SEPTIN14: variants seen among roughly 807,000 people sequenced by gnomAD.
SEPTIN14 encodes septin 14.
A neutral mutation model predicts 53.6 loss-of-function variants in SEPTIN14; 40 were observed. That is an observed-to-expected ratio of 0.75 (90% CI 0.58 to 0.97). SEPTIN14 has a LOEUF of 0.97. SEPTIN14 is among the 50% of genes least tolerant of loss of function. The pLI is 0.00. For missense variants in SEPTIN14, 471 were observed against 508.2 expected, an observed-to-expected ratio of 0.93 and a Z score of 0.70; for synonymous variants, 138 against 166.8, an observed-to-expected ratio of 0.83 and a Z score of 1.33.
rs78233970 is a variant in SEPTIN14 at position 55,807,033 on chromosome 7, T to G, written c.986+57A>C. On this transcript the variant is annotated intron_variant, in intron 8 of 9. Coordinates refer to ENST00000388975, the MANE Select transcript of SEPTIN14 (RefSeq NM_207366.3). Reference sequence around the variant, plus strand: ...CTCATATCCAAATTATCATACCTTGTGTTTGTAGGGACTCCTAAATTATCC... The same window carrying G: ...CTCATATCCAAATTATCATACCTTGGGTTTGTAGGGACTCCTAAATTATCC... 6.7e-3 allele frequency: 8,284 copies of G among 1,232,762 alleles called. 164 individuals are homozygous for G. Among genetic ancestry groups the G allele is most frequent in the South Asian group, 0.035 (2,191 of 62,646 alleles). 76.4% of individuals were successfully genotyped at this position (1,232,762 alleles called of 1,614,324 possible).
At chr7:55,846,836 TATAA>T (rs1436073710) in intron 2 of SEPTIN14, among the ~76,000 whole-genome samples, 199 bp from the exon 3 acceptor site, 1 of 152,164 alleles carries the variant, frequency 6.6e-6, no homozygotes, top group African/African-American at 2.4e-5. Flanking sequence ...CTATTATTTT[TATAA>T]ATAAAGTGAA....
intron 2 of SEPTIN14, among the ~76,000 whole-genome samples, chr7:55,848,866 C>T (rs993074160): frequency 3.9e-5 from 6 of 151,938 alleles, no homozygotes; most frequent in Non-Finnish European, 8.8e-5. Context: ...CTCGGCCTCC[C>T]AAAGTGCTGG....
chr7:55,833,429 A>G (rs1789146545), intron 6 of SEPTIN14, among the ~76,000 whole-genome samples: 1 of 151,890 alleles, frequency 6.6e-6, no homozygotes, highest in Non-Finnish European at 1.5e-5. Flanking sequence ...TGAAATAGAG[A>G]ATAAAAAAAA....
At chr7:55,845,775 T>C (rs1004306231) in intron 3 of SEPTIN14, among the ~76,000 whole-genome samples, 14 of 151,806 alleles carry the variant, frequency 9.2e-5, no homozygotes, top group African/African-American at 2.9e-4. Context: ...CTAGGCCGGG[T>C]GCGGTGGCTC....
intron 5 of SEPTIN14, 137 bp from the exon 6 acceptor site, chr7:55,834,723 A>G (rs936204158): frequency 1.4e-5 from 8 of 584,476 alleles, no homozygotes; most frequent in Non-Finnish European, 2.3e-5. Context: ...GCTCACTGCA[A>G]GCTCCGCCTC....
At chr7:55,839,396 A>T (rs1258003191) in intron 5 of SEPTIN14, among the ~76,000 whole-genome samples, 3 of 151,880 alleles carry the variant, frequency 2.0e-5, no homozygotes, top group Admixed American at 2.0e-4. Flanking sequence ...TCTCAGAAAA[A>T]AAAAAAAAAA....
At chr7:55,836,692 T>G (rs2116037049) in intron 5 of SEPTIN14, among the ~76,000 whole-genome samples, 1 of 152,210 alleles carries the variant, frequency 6.6e-6, no homozygotes, top group African/African-American at 2.4e-5. Flanking sequence ...GAGCCGAGAT[T>G]GCGCCATTGC....
At chr7:55,824,095 G>A (rs553017959) in intron 6 of SEPTIN14, among the ~76,000 whole-genome samples, 3 of 152,172 alleles carry the variant, frequency 2.0e-5, no homozygotes, top group Non-Finnish European at 2.9e-5. Context: ...TGACTTCATC[G>A]ATATAACACT....
intron 7 of SEPTIN14, among the ~76,000 whole-genome samples, chr7:55,812,683 G>C (rs1788722520): frequency 6.6e-6 from 1 of 152,086 alleles, no homozygotes; most frequent in South Asian, 2.1e-4. Context: ...ACCTTCATAA[G>C]GATGAAAAAT....
At chr7:55,825,685 G>C (rs187437567) in intron 6 of SEPTIN14, among the ~76,000 whole-genome samples, 17 of 152,240 alleles carry the variant, frequency 1.1e-4, no homozygotes, top group South Asian at 2.1e-4. Context: ...AGAAGGATGG[G>C]GCCGGGCGTG....
At chr7:55,832,559 A>C (rs1004106704) in intron 6 of SEPTIN14, among the ~76,000 whole-genome samples, 1 of 135,228 alleles carries the variant, frequency 7.4e-6, no homozygotes, top group Non-Finnish European at 1.5e-5. Flanking sequence ...ACACCATGGA[A>C]TACTATGCAG....
chr7:55,806,281 G>C (rs1285138670), intron 8 of SEPTIN14, among the ~76,000 whole-genome samples: 1 of 149,630 alleles, frequency 6.7e-6, no homozygotes, highest in Non-Finnish European at 1.5e-5. Context: ...GATTACAGGC[G>C]GGAGCCACTG....
intron 9 of SEPTIN14, among the ~76,000 whole-genome samples, chr7:55,800,469 C>G (rs1455989050): frequency 2.6e-5 from 4 of 151,954 alleles, no homozygotes; most frequent in Admixed American, 6.6e-5. Flanking sequence ...ACTAAAAATA[C>G]AAAAATTAGC....
At chr7:55,853,378 C>A (rs1423421252) in intron 2 of SEPTIN14, among the ~76,000 whole-genome samples, 1 of 152,156 alleles carries the variant, frequency 6.6e-6, no homozygotes, top group African/African-American at 2.4e-5. Context: ...TTATTTCCAA[C>A]AACATGGATG....
Position 55,846,507 on chromosome 7 carries a change from T to C in SEPTIN14, c.175+10A>G. 6.4e-7 allele frequency: 1 copy of C among 1,568,152 alleles called. No individual in the cohort carries two copies. Among genetic ancestry groups the C allele is most frequent in the Non-Finnish European group, 8.6e-7 (1 of 1,160,112 alleles). On this transcript the variant is annotated intron_variant, in intron 3 of 9. Transcript: ENST00000388975. ...GAAGGAATAATTCAAATGAGGTGTT[T>C]GACACTTACCCACACAGAGAATATT...
intron 7 of SEPTIN14, chr7:55,811,166 G>A (rs544631256): frequency 4.4e-5 from 22 of 499,932 alleles, no homozygotes; most frequent in African/African-American, 3.5e-4. Context: ...AGCCCTGTTT[G>A]TTTCCTCCAA....
intron 8 of SEPTIN14, 85 bp downstream of exon 8, chr7:55,807,005 A>G: frequency 2.3e-6 from 2 of 879,006 alleles, no homozygotes; most frequent in Non-Finnish European, 3.4e-6. Flanking sequence ...AAGTATAATT[A>G]TTCTCATATC....
chr7:55,797,070 C>A (rs921564873), intron 9 of SEPTIN14, among the ~76,000 whole-genome samples: 2 of 151,866 alleles, frequency 1.3e-5, no homozygotes, highest in Non-Finnish European at 2.9e-5. Context: ...TTGCAGTAAG[C>A]CGAGACCGTG....
At chr7:55,830,336 TATA>T (rs1789080542) in intron 6 of SEPTIN14, among the ~76,000 whole-genome samples, 2 of 36,818 alleles carry the variant, frequency 5.4e-5, no homozygotes, top group African/African-American at 2.5e-4. Context: ...TATATATATA[TATA>T]TATATATATA....
Sources: allele counts gnomAD v4.1 joint callset (sites outside exome capture counted in the v4.1 genomes callset), GRCh38; gene constraint gnomAD v4.1.1; transcripts MANE v1.5; gene names NCBI Gene and HGNC (gene_info 2026-07-23, HGNC 2026-07-21).